Variants in NARS2 observed in about 807,000 individuals in gnomAD.
NARS2 encodes the protein asparaginyl-tRNA synthetase 2, mitochondrial.
In NARS2, 60 loss-of-function variants were observed where a neutral mutation model predicts 62.9. The observed-to-expected ratio is 0.95, with a 90% CI of 0.77 to 1.18. The LOEUF is 1.18. Ranked by LOEUF, NARS2 falls within the 50% of genes most tolerant of loss-of-function variation. The probability of loss-of-function intolerance (pLI) is 0.00; values close to 1 mark genes in which losing one functional copy is unlikely to be tolerated. For missense variants in NARS2, 619 were observed against 576.4 expected, an observed-to-expected ratio of 1.07 and a Z score of -0.76; for synonymous variants, 196 against 200.0, an observed-to-expected ratio of 0.98 and a Z score of 0.17.
chr11:78,549,221 C>T (rs1480902066), intron 5 of NARS2, among the ~76,000 whole-genome samples: 1 of 152,188 alleles, frequency 6.6e-6, no homozygotes, highest in Non-Finnish European at 1.5e-5. Flanking sequence ...GGTGGGGGTT[C>T]CATGCCAGGA....
chr11:78,453,911 C>T (rs1020744113), intron 11 of NARS2, among the ~76,000 whole-genome samples: 6 of 152,166 alleles, frequency 3.9e-5, no homozygotes, highest in Non-Finnish European at 7.3e-5. Flanking sequence ...CTGAAAGAGG[C>T]AAAAGTCTTA....
At chr11:78,574,263 C>A in intron 1 of NARS2, 85 bp downstream of exon 1, 2 of 1,567,976 alleles carry the variant, frequency 1.3e-6, no homozygotes, top group Non-Finnish European at 1.8e-6. Flanking sequence ...TTGTGTCTGA[C>A]CCGACTGTAA....
At chr11:78,466,646 A>AT (rs992563711) in intron 10 of NARS2, among the ~76,000 whole-genome samples, 17 of 151,414 alleles carry the variant, frequency 1.1e-4, no homozygotes, top group Non-Finnish European at 2.9e-5. Flanking sequence ...ATGCCCGGCT[A>AT]TTTTTTTTGT....
chr11:78,508,445 T>C (rs1043085253), intron 6 of NARS2, among the ~76,000 whole-genome samples: 3 of 151,914 alleles, frequency 2.0e-5, no homozygotes, highest in Non-Finnish European at 2.9e-5. Context: ...AAAAATTAGC[T>C]GGGCATGGTG....
chr11:78,492,592 G>A (rs1176298060), intron 7 of NARS2, among the ~76,000 whole-genome samples: 1 of 152,116 alleles, frequency 6.6e-6, no homozygotes, highest in African/African-American at 2.4e-5. Context: ...TCCTGTGGAT[G>A]CTTTCTAATA....
At chr11:78,502,984 A>ACT (rs10629211) in intron 6 of NARS2, among the ~76,000 whole-genome samples, 98,413 of 129,818 alleles carry the variant, frequency 0.76, 37,920 homozygotes, top group Non-Finnish European at 0.81. Context: ...ACAGAGTGAG[A>ACT]CTGTCTCAAA....
At chr11:78,557,979 T>C (rs1444177450) in intron 5 of NARS2, among the ~76,000 whole-genome samples, 1 of 152,000 alleles carries the variant, frequency 6.6e-6, no homozygotes, top group Non-Finnish European at 1.5e-5. Flanking sequence ...ACAATTCCTT[T>C]TTATTTGTAA....
At chr11:78,488,788 T>C (rs771056883) in intron 7 of NARS2, among the ~76,000 whole-genome samples, 1 of 152,004 alleles carries the variant, frequency 6.6e-6, no homozygotes, top group African/African-American at 2.4e-5. Flanking sequence ...CTGAAATAGA[T>C]CCATATATAT....
Position 78,559,637 on chromosome 11 carries a change from T to C in NARS2, c.514-18A>G, listed in dbSNP as rs1484287065. 1 of 1,537,082 alleles carries C rather than the reference T, an allele frequency of 6.5e-7. No homozygotes were observed. The highest frequency in any genetic ancestry group is 9.0e-7 in the Non-Finnish European group (1 of 1,111,070). On this transcript the variant is annotated intron_variant, in intron 4 of 13. Transcript: ENST00000281038. ...CCACTGTCCTGAAAAAGAAAACCAC[T>C]GTTTTCAGGATATTTGCACATTCAA...
intron 7 of NARS2, among the ~76,000 whole-genome samples, chr11:78,484,417 C>T (rs1397434652): frequency 1.3e-5 from 2 of 152,020 alleles, no homozygotes; most frequent in African/African-American, 2.4e-5. Flanking sequence ...AAGAGCTTCT[C>T]ACAGCAAAAG....
intron 5 of NARS2, among the ~76,000 whole-genome samples, chr11:78,533,764 AAT>A (rs1861566060): frequency 6.6e-6 from 1 of 152,154 alleles, no homozygotes; most frequent in Non-Finnish European, 1.5e-5. Flanking sequence ...TATCATACAG[AAT>A]AGTTTCACTG....
intron 5 of NARS2, among the ~76,000 whole-genome samples, chr11:78,540,260 C>T (rs1466519900): frequency 6.6e-6 from 1 of 152,174 alleles, no homozygotes; most frequent in African/African-American, 2.4e-5. Flanking sequence ...CTCCCTGTTT[C>T]TTTGAGGATT....
At chr11:78,475,292 T>C (rs1478907643) in intron 9 of NARS2, among the ~76,000 whole-genome samples, 1 of 152,198 alleles carries the variant, frequency 6.6e-6, no homozygotes, top group Non-Finnish European at 1.5e-5. Flanking sequence ...ACACATTTAC[T>C]TTATCCAGTC....
chr11:78,534,331 G>A (rs894488864), intron 5 of NARS2, among the ~76,000 whole-genome samples: 3 of 152,208 alleles, frequency 2.0e-5, no homozygotes, highest in African/African-American at 4.8e-5. Context: ...TAGGTACATA[G>A]TGGTACTGAC....
chr11:78,521,278 C>T (rs1400749057), intron 6 of NARS2, among the ~76,000 whole-genome samples: 3 of 151,646 alleles, frequency 2.0e-5, no homozygotes, highest in Non-Finnish European at 2.9e-5. Flanking sequence ...AATCTTCTTG[C>T]CTTACTCTCC....
intron 11 of NARS2, among the ~76,000 whole-genome samples, chr11:78,445,832 T>C (rs1857741053): frequency 6.6e-6 from 1 of 152,054 alleles, no homozygotes. Context: ...TGGTGGTGCA[T>C]GCCTGTGGTC....
chr11:78,528,985 T>C (rs540737276), intron 5 of NARS2, 49 bp from the exon 6 acceptor site: 1 of 1,219,616 alleles, frequency 8.2e-7, no homozygotes, highest in African/African-American at 1.5e-5. Context: ...TGTTTTGCTT[T>C]GCATTTCACA....
intron 5 of NARS2, among the ~76,000 whole-genome samples, chr11:78,544,783 G>C (rs1294962726): frequency 8.9e-6 from 1 of 112,702 alleles, no homozygotes; most frequent in African/African-American, 3.6e-5. Context: ...GATAGAGCGA[G>C]ACTCCGTCTC....
chr11:78,548,374 G>A (rs972681509), intron 5 of NARS2, among the ~76,000 whole-genome samples: 1 of 150,696 alleles, frequency 6.6e-6, no homozygotes, highest in Admixed American at 6.6e-5. Flanking sequence ...AAGAAAATAG[G>A]TAAGAGTAAT....
Sources: gnomAD v4.1 joint callset for allele counts (sites outside exome capture counted in the v4.1 genomes callset) on GRCh38, gnomAD v4.1.1 for gene constraint, MANE v1.5 for transcripts, NCBI Gene and HGNC (gene_info 2026-07-23, HGNC 2026-07-21) for gene names.